Variants in FNDC3A observed in about 807,000 individuals in gnomAD.
The protein encoded by FNDC3A is fibronectin type-III domain-containing protein 3A.
Under a neutral mutation model 148.9 loss-of-function variants are expected in FNDC3A, and 32 were observed. That is an observed-to-expected ratio of 0.21 (90% CI 0.16 to 0.29). The LOEUF is 0.29. FNDC3A is among the 10% of genes least tolerant of loss of function. FNDC3A has a pLI of 1.00. For synonymous variants in FNDC3A, 472 were observed against 473.6 expected (o/e 1.00, Z 0.04); for missense variants, 1,191 against 1,452.8 (o/e 0.82, Z 2.93).
intron 2 of FNDC3A, among the ~76,000 whole-genome samples, chr13:49,058,268 G>A (rs1156367753): frequency 6.6e-6 from 1 of 152,120 alleles, no homozygotes; most frequent in Non-Finnish European, 1.5e-5. Flanking sequence ...TGTGACTGGG[G>A]ACTGCATACA....
At chr13:49,037,202 C>G (rs1195354715) in intron 2 of FNDC3A, among the ~76,000 whole-genome samples, 1 of 152,210 alleles carries the variant, frequency 6.6e-6, no homozygotes, top group African/African-American at 2.4e-5. Context: ...ACAGCACTTA[C>G]AGTAACAGCG....
chr13:49,019,368 G>C (rs1364279427), intron 2 of FNDC3A, among the ~76,000 whole-genome samples: 1 of 152,250 alleles, frequency 6.6e-6, no homozygotes, highest in African/African-American at 2.4e-5. Flanking sequence ...CAATTTTCCA[G>C]GTGCCGTCTG....
At chr13:49,002,893 C>T (rs553370668) in intron 1 of FNDC3A, among the ~76,000 whole-genome samples, 2 of 152,112 alleles carry the variant, frequency 1.3e-5, no homozygotes, top group African/African-American at 4.8e-5. Context: ...TTGTATCTAC[C>T]AGGAATCTAA....
intron 19 of FNDC3A, among the ~76,000 whole-genome samples, chr13:49,196,108 A>G (rs1262135457): frequency 2.7e-5 from 4 of 150,138 alleles, no homozygotes; most frequent in Admixed American, 2.0e-4. Flanking sequence ...AAAAAAAAGA[A>G]GTTGAGCTAG....
intron 5 of FNDC3A, among the ~76,000 whole-genome samples, chr13:49,134,841 C>CTTTTTT (rs1168216037): frequency 3.8e-4 from 1 of 2,636 alleles, no homozygotes; most frequent in Non-Finnish European, 5.9e-4. Context: ...GAGTTTCACT[C>CTTTTTT]TTTTTTTTTT....
intron 1 of FNDC3A, chr13:48,976,852 G>A (rs1951612901): frequency 6.6e-6 from 1 of 152,198 alleles, no homozygotes; most frequent in Admixed American, 6.5e-5. Context: ...TGCAGTCCTC[G>A]CCCGGTTTTA....
intron 1 of FNDC3A, chr13:48,976,973 G>A (rs1327529354): frequency 6.6e-6 from 1 of 152,238 alleles, no homozygotes; most frequent in African/African-American, 2.4e-5. Context: ...AAGAGGGACT[G>A]TTTTAATGGA....
Position 49,137,586 on chromosome 13 carries a change from C to G in FNDC3A, c.760+985C>G, listed in dbSNP as rs1222424897. Among the ~76,000 whole-genome samples the G allele has an allele frequency of 3.3e-5, 5 of 152,336 alleles. No individual in the cohort carries two copies. In the East Asian group the frequency reaches 9.6e-4, roughly 29 times the overall value. ...TCTCCAACTCCTAGGCTCAAGCAGT[C>G]CACCCACCTTGACCTTCCAGTGTGC... On this transcript the variant is annotated intron_variant, in intron 6 of 25. Coordinates refer to ENST00000492622, the MANE Select transcript of FNDC3A (RefSeq NM_001079673.2).
chr13:49,063,795 T>A (rs1483977290), intron 2 of FNDC3A, among the ~76,000 whole-genome samples: 1 of 152,174 alleles, frequency 6.6e-6, no homozygotes, highest in African/African-American at 2.4e-5. Flanking sequence ...TGCTCTGAGC[T>A]GTTTTTCTTT....
At chr13:49,185,295 G>A (rs575272962) in intron 14 of FNDC3A, among the ~76,000 whole-genome samples, 2 of 152,178 alleles carry the variant, frequency 1.3e-5, no homozygotes, top group South Asian at 4.1e-4. Flanking sequence ...AGTTTCTGTG[G>A]GTCAGGAATT....
In FNDC3A at chr13:49,124,439, A is replaced by G. The variant is rs1254331373; in HGVS notation, c.253-6698A>G. On this transcript the variant is annotated intron_variant, in intron 4 of 25. Coordinates refer to ENST00000492622, the MANE Select transcript of FNDC3A (RefSeq NM_001079673.2). ...AAACCACCATGGCACGTGTATACCTATGTAACAAACCTACATGTTTGGCAC... is the reference window on the plus strand; with the variant it reads ...AAACCACCATGGCACGTGTATACCTGTGTAACAAACCTACATGTTTGGCAC... Among the ~76,000 whole-genome samples, 7 of 152,096 alleles carry G rather than the reference A, an allele frequency of 4.6e-5. No individual in the cohort carries two copies. In the South Asian group the frequency reaches 1.0e-3, roughly 23 times the overall value.
At chr13:49,003,301 G>A (rs756627420) in intron 1 of FNDC3A, among the ~76,000 whole-genome samples, 12 of 152,150 alleles carry the variant, frequency 7.9e-5, no homozygotes, top group Non-Finnish European at 1.5e-4. Context: ...CTGACCTCAA[G>A]TGATGTGCCT....
chr13:49,132,401 C>G (rs188097431), intron 5 of FNDC3A, among the ~76,000 whole-genome samples: 130 of 152,244 alleles, frequency 8.5e-4, no homozygotes, highest in African/African-American at 3.0e-3. Context: ...CTCAAACATG[C>G]CACTATTGAT....
At chr13:49,048,917 ACTTTTT>A (rs934441428) in intron 2 of FNDC3A, among the ~76,000 whole-genome samples, 22 of 152,094 alleles carry the variant, frequency 1.4e-4, no homozygotes, top group African/African-American at 4.8e-4. Flanking sequence ...AATGCTTTCA[ACTTTTT>A]CTTGTTCAGT....
rs568395824 is a variant in FNDC3A, at chr13:49,057,333, A to G, written c.100-17956A>G. The stretch of plus-strand genomic sequence containing the variant: ...TAGGGGAGCTGGATTTACACAGAAC[A>G]TATTAATGTAAACTCACTGCTCACT... On this transcript the variant is annotated intron_variant, in intron 2 of 25. Coordinates refer to ENST00000492622, the MANE Select transcript of FNDC3A (RefSeq NM_001079673.2). Among the ~76,000 whole-genome samples, 11 of 152,316 alleles carry G rather than the reference A, an allele frequency of 7.2e-5. No individual in the cohort carries two copies. The East Asian group carries it at 1.5e-3, about 21-fold the overall frequency.
At chr13:49,041,349 G>A (rs897932961) in intron 2 of FNDC3A, among the ~76,000 whole-genome samples, 15 of 152,104 alleles carry the variant, frequency 9.9e-5, no homozygotes, top group Admixed American at 6.5e-4. Context: ...GCCATACCAT[G>A]AAGGCGGTTA....
chr13:49,015,395 CT>C (rs1952474550), intron 2 of FNDC3A, among the ~76,000 whole-genome samples: 1 of 152,138 alleles, frequency 6.6e-6, no homozygotes, highest in Admixed American at 6.5e-5. Flanking sequence ...ATTTGGCTCT[CT>C]GTTTGTCTGT....
At position 49,140,079 on chromosome 13, in the gene FNDC3A, TC is replaced by T. The variant is rs1198275455; in HGVS notation, c.819+1277del. ...AGGCCAGGTGCAGTGGCTCACACTT[TC>T]CCAGTCCTTTGGAAAACCAAGACAA... On this transcript the variant is annotated intron_variant, in intron 7 of 25. Transcript: ENST00000492622. 1.3e-5 allele frequency among the ~76,000 whole-genome samples: 2 copies of T among 152,198 alleles called. 1 individual carries two copies. Among genetic ancestry groups the T allele is most frequent in the African/African-American group, 4.8e-5 (2 of 41,460 alleles).
chr13:49,162,427 G>A lies in FNDC3A; in HGVS notation c.978-4817G>A, dbSNP rs147686719. ...GTACTGAAGCTTGTGCATGTGTCAC[G>A]TAGTTCTCGTGCCATGGTTTTCAGC... On this transcript the variant is annotated intron_variant, in intron 8 of 25. Coordinates refer to ENST00000492622, the MANE Select transcript of FNDC3A (RefSeq NM_001079673.2). Among the ~76,000 whole-genome samples the A allele has an allele frequency of 1.5e-3, 234 of 152,216 alleles. 1 individual carries two copies. Among genetic ancestry groups the A allele is most frequent in the Admixed American group, 4.5e-3 (69 of 15,296 alleles).
Sources: gnomAD v4.1 joint callset for allele counts (sites outside exome capture counted in the v4.1 genomes callset) on GRCh38, gnomAD v4.1.1 for gene constraint, MANE v1.5 for transcripts, NCBI Gene and HGNC (gene_info 2026-07-23, HGNC 2026-07-21) for gene names.